Variants in BMPR2 observed in about 807,000 individuals in gnomAD.
BMPR2 encodes bone morphogenetic protein receptor type 2, also known as bone morphogenetic protein receptor type-2.
In BMPR2, 29 loss-of-function variants were observed where a neutral mutation model predicts 100.8. The observed-to-expected ratio is 0.29, with a 90% CI of 0.21 to 0.39. BMPR2 has a LOEUF of 0.39. Ranked by LOEUF, BMPR2 falls within the 10% of genes least tolerant of loss-of-function variation. The pLI is 1.00. For synonymous variants in BMPR2, 382 were observed against 442.3 expected (o/e 0.86, Z 1.71); for missense variants, 1,011 against 1,274.5 (o/e 0.79, Z 3.15).
At position 202,547,781 on chromosome 2, in the gene BMPR2, CAAAAAAAAA is replaced by C. The variant is rs373601864; in HGVS notation, c.1414-4923_1414-4915del. ...CTGGACGACAGAGCAAGATCCATCA[CAAAAAAAAA>C]AAAAAAAAAAAGGCCAGGCACGGCA... On this transcript the variant is annotated intron_variant, in intron 10 of 12. Transcript: ENST00000374580. Among the ~76,000 whole-genome samples, 15 of 56,900 alleles carry C rather than the reference CAAAAAAAAA, an allele frequency of 2.6e-4. No homozygotes were observed. In the South Asian group the frequency reaches 8.8e-3, roughly 34 times the overall value. The allele number at this position is 56,900 out of a possible 152,430, so 37.3% of individuals were successfully genotyped here. A position where few individuals can be genotyped will look rare whatever the true frequency, so the allele number is the denominator to read the frequency against.
At position 202,561,780 on chromosome 2, in the gene BMPR2, A is replaced by G. The variant is rs569708462; in HGVS notation, c.*1834A>G. The stretch of plus-strand genomic sequence containing the variant: ...CAAAATATTTGTGATTTACTTGTAT[A>G]TAAGCCTTCTCATTTGCCATGTGCT... On this transcript the variant is annotated 3_prime_UTR_variant, in exon 13 of 13. Transcript: ENST00000374580. The G allele has an allele frequency of 4.6e-5, 7 of 152,282 alleles. No homozygotes were observed. The highest frequency in any genetic ancestry group is 1.3e-4 in the Admixed American group (2 of 15,300). The allele number at this position is 152,282 out of a possible 1,614,324, so 9.4% of individuals were successfully genotyped here. A position where few individuals can be genotyped will look rare whatever the true frequency, so the allele number is the denominator to read the frequency against.
At chr2:202,551,571 A>G (rs1345133105) in intron 10 of BMPR2, among the ~76,000 whole-genome samples, 1 of 152,206 alleles carries the variant, frequency 6.6e-6, no homozygotes, top group Non-Finnish European at 1.5e-5. Flanking sequence ...AAGGGAGACT[A>G]TTATAGGGAG....
chr2:202,497,705 T>A (rs1484455567), intron 3 of BMPR2, among the ~76,000 whole-genome samples: 1 of 152,234 alleles, frequency 6.6e-6, no homozygotes, highest in Non-Finnish European at 1.5e-5. Flanking sequence ...CCTTGCCCCC[T>A]GGGTCCTAAT....
At position 202,543,845 on chromosome 2, in the gene BMPR2, T is replaced by C. The variant is rs1434851692; in HGVS notation, c.1413+1398T>C. On this transcript the variant is annotated intron_variant, in intron 10 of 12. Transcript: ENST00000374580. The stretch of plus-strand genomic sequence containing the variant: ...CACAACAAAGTATTGTGCTTGGATT[T>C]ATAGGAAATAAAAATTCTACATTAG... Among the ~76,000 whole-genome samples, 4 of 152,314 alleles carry C rather than the reference T, an allele frequency of 2.6e-5. No individual in the cohort carries two copies. The East Asian group carries it at 7.7e-4, about 29-fold the overall frequency.
Position 202,556,178 on chromosome 2 carries a change from T to G in BMPR2, c.2513T>G (p.Ile838Arg), listed in dbSNP as rs759663998. The G allele has an allele frequency of 6.2e-7, 1 of 1,611,542 alleles. No homozygotes were observed. The highest frequency in any genetic ancestry group is 8.5e-7 in the Non-Finnish European group (1 of 1,177,952). ...GTACTATCTGGCCAAACAACCAACA[T>G]AGTGACACATAGGGCCCAAGAAATG... is the stretch of plus-strand genomic sequence containing the variant. ...GTVLSGQTTN[I>R]VTHRAQEMLQ... Residue 838 changes from isoleucine to arginine, a missense_variant, in exon 12 of 13, where the codon ATA (isoleucine) becomes AGA (arginine). By Grantham distance (97) the Ile-to-Arg change is moderately conservative. Transcript: ENST00000374580.
At chr2:202,530,455 T>C (rs974214828) in intron 7 of BMPR2, among the ~76,000 whole-genome samples, 2 of 148,864 alleles carry the variant, frequency 1.3e-5, no homozygotes, top group African/African-American at 4.9e-5. Flanking sequence ...CAAGCAGACT[T>C]TTTTTTTTTG....
chr2:202,539,497 A>G (rs1688231211), intron 9 of BMPR2, among the ~76,000 whole-genome samples: 3 of 152,154 alleles, frequency 2.0e-5, no homozygotes, highest in African/African-American at 7.2e-5. Context: ...AACCTAGAGA[A>G]TAGTGTATAC....
chr2:202,526,199 T>G (rs925960740), intron 7 of BMPR2, among the ~76,000 whole-genome samples: 4 of 152,078 alleles, frequency 2.6e-5, no homozygotes, highest in Non-Finnish European at 5.9e-5. Context: ...GCTTTCTCAC[T>G]TTGTTTCAAT....
At chr2:202,486,402 G>A (rs935407967) in intron 3 of BMPR2, among the ~76,000 whole-genome samples, 4 of 152,182 alleles carry the variant, frequency 2.6e-5, no homozygotes, top group African/African-American at 9.7e-5. Flanking sequence ...GGCAAGGCAA[G>A]CGGATCACTT....
chr2:202,405,820 T>C (rs556970335), intron 1 of BMPR2, among the ~76,000 whole-genome samples: 5 of 152,258 alleles, frequency 3.3e-5, no homozygotes, highest in Admixed American at 2.6e-4. Context: ...CTAATGTCAG[T>C]CTAAGCAAAG....
chr2:202,412,598 C>T (rs1024098891), intron 1 of BMPR2, among the ~76,000 whole-genome samples: 34 of 152,162 alleles, frequency 2.2e-4, no homozygotes, highest in African/African-American at 7.7e-4. Flanking sequence ...GGATTACAGG[C>T]GTGAGCCACC....
chr2:202,512,527 C>CT (rs34507469), intron 3 of BMPR2, among the ~76,000 whole-genome samples: 1 of 152,048 alleles, frequency 6.6e-6, no homozygotes, highest in African/African-American at 2.4e-5. Flanking sequence ...CCCAAGTTTT[C>CT]TTTTTTTTCC....
At chr2:202,456,718 T>C (rs538997797) in intron 1 of BMPR2, among the ~76,000 whole-genome samples, 1 of 152,048 alleles carries the variant, frequency 6.6e-6, no homozygotes, top group East Asian at 1.9e-4. Context: ...TTTCACCATA[T>C]TGGTCAGGCT....
intron 7 of BMPR2, among the ~76,000 whole-genome samples, chr2:202,527,757 G>A (rs1011708400): frequency 2.2e-4 from 34 of 151,698 alleles, no homozygotes; most frequent in Admixed American, 1.4e-3. Flanking sequence ...ACTGCAGTCG[G>A]CAGTCCGGCC....
chr2:202,461,906 A>G (rs1332471977), intron 1 of BMPR2, among the ~76,000 whole-genome samples: 1 of 151,436 alleles, frequency 6.6e-6, no homozygotes, highest in Non-Finnish European at 1.5e-5. Context: ...TTTTTTTATC[A>G]TTCAATTTCT....
Position 202,513,738 on chromosome 2 carries a change from C to T in BMPR2, c.438C>T (p.Asn146=), listed in dbSNP as rs183875438. ...TTPLSPPHSF[N]RDETIIIALA... ...TTTTAGGTCCACCTCATTCATTTAA[C>T]CGAGATGAGACAATAATCATTGCTT... Residue 146 remains asparagine, a synonymous_variant, in exon 4 of 13, where the codon AAC becomes AAT. Coordinates refer to ENST00000374580, the MANE Select transcript of BMPR2 (RefSeq NM_001204.7). 1.3e-5 allele frequency: 21 copies of T among 1,612,960 alleles called. No individual in the cohort carries two copies. In the Admixed American group the frequency reaches 1.3e-4, roughly 10 times the overall value.
At chr2:202,436,863 T>C (rs895620247) in intron 1 of BMPR2, among the ~76,000 whole-genome samples, 2 of 150,780 alleles carry the variant, frequency 1.3e-5, no homozygotes, top group Non-Finnish European at 2.9e-5. Flanking sequence ...TAGAATTCTT[T>C]ACTAGGTCTT....
At chr2:202,421,994 C>T (rs1171534720) in intron 1 of BMPR2, among the ~76,000 whole-genome samples, 1 of 151,986 alleles carries the variant, frequency 6.6e-6, no homozygotes, top group African/African-American at 2.4e-5. Flanking sequence ...GTGCAACCTC[C>T]GCCTGCCAGG....
At chr2:202,459,195 TTACCTACTTTTA>T (rs1194400505) in intron 1 of BMPR2, among the ~76,000 whole-genome samples, 15 of 152,222 alleles carry the variant, frequency 9.9e-5, no homozygotes, top group Non-Finnish European at 1.9e-4. Context: ...ACTCCTCTTT[TTACCTACTTTTA>T]GTTGTTTGGC....
Sources: allele counts gnomAD v4.1 joint callset (sites outside exome capture counted in the v4.1 genomes callset), GRCh38; gene constraint gnomAD v4.1.1; transcripts MANE v1.5; gene names NCBI Gene and HGNC (gene_info 2026-07-23, HGNC 2026-07-21).